The following EXOC4 variants were observed in gnomAD, a reference collection of about 807,000 sequenced individuals.
The protein encoded by EXOC4 is SEC8-like 1.
In EXOC4, 71 loss-of-function variants were observed where a neutral mutation model predicts 107.2. The ratio of observed to expected loss-of-function variants is 0.66; its 90% CI spans 0.55 to 0.81. EXOC4 has a LOEUF of 0.81. Among genes scored for constraint, EXOC4 ranks in the 30% least tolerant of loss-of-function variants. EXOC4 has a pLI of 0.00. For missense variants in EXOC4, 1,108 were observed against 1,189.6 expected (o/e 0.93, Z 1.01); for synonymous variants, 456 against 441.2 (o/e 1.03, Z -0.42).
At chr7:133,709,655 T>C (rs1235224648) in intron 10 of EXOC4, among the ~76,000 whole-genome samples, 3 of 146,694 alleles carry the variant, frequency 2.0e-5, no homozygotes, top group Non-Finnish European at 1.5e-5. Flanking sequence ...CTTTTTTTTT[T>C]TTTTTTTTTT....
chr7:133,623,492 T>C (rs1408045537), intron 9 of EXOC4, among the ~76,000 whole-genome samples: 1 of 152,218 alleles, frequency 6.6e-6, no homozygotes, highest in Non-Finnish European at 1.5e-5. Flanking sequence ...AACAAATATG[T>C]ACTGTGTGCT....
At chr7:133,948,444 A>G (rs1001526011) in intron 14 of EXOC4, among the ~76,000 whole-genome samples, 6 of 152,202 alleles carry the variant, frequency 3.9e-5, no homozygotes, top group African/African-American at 1.4e-4. Flanking sequence ...AGGACTCTCC[A>G]TTACTTGGTG....
At chr7:133,608,546 C>CTTTT (rs1161155238) in intron 9 of EXOC4, among the ~76,000 whole-genome samples, 132 of 85,022 alleles carry the variant, frequency 1.6e-3, no homozygotes, top group Middle Eastern at 0.011. Context: ...TGCTGTATTT[C>CTTTT]TTTTTTTTTT....
chr7:133,805,931 A>T (rs1466239740), intron 10 of EXOC4, among the ~76,000 whole-genome samples: 1 of 152,268 alleles, frequency 6.6e-6, no homozygotes, highest in Non-Finnish European at 1.5e-5. Flanking sequence ...CACCTGCGTC[A>T]TCTCATTTTG....
intron 7 of EXOC4, among the ~76,000 whole-genome samples, chr7:133,443,234 C>T (rs940637388): frequency 6.6e-6 from 1 of 152,150 alleles, no homozygotes; most frequent in South Asian, 2.1e-4. Flanking sequence ...AATAGAAGCA[C>T]TATCAGACAC....
intron 7 of EXOC4, among the ~76,000 whole-genome samples, chr7:133,455,107 TA>T (rs1188565359): frequency 6.6e-6 from 1 of 151,798 alleles, no homozygotes. Flanking sequence ...ATAAAATAAA[TA>T]AAAAGTTTAA....
intron 10 of EXOC4, among the ~76,000 whole-genome samples, chr7:133,763,703 A>T (rs2151154620): frequency 8.0e-6 from 1 of 125,128 alleles, no homozygotes; most frequent in South Asian, 2.6e-4. Flanking sequence ...GCCAAAAAGG[A>T]AAAAAAAAAA....
intron 4 of EXOC4, among the ~76,000 whole-genome samples, chr7:133,317,045 C>T (rs886344815): frequency 1.3e-5 from 2 of 152,060 alleles, no homozygotes; most frequent in African/African-American, 4.8e-5. Context: ...AATGAAATGA[C>T]AAAATAAAAA....
At chr7:133,328,254 GTT>G (rs201019321) in intron 5 of EXOC4, among the ~76,000 whole-genome samples, 1 of 147,478 alleles carries the variant, frequency 6.8e-6, no homozygotes, top group Admixed American at 6.8e-5. Context: ...TGCAACCCCT[GTT>G]TTTTTTTTGC....
chr7:133,760,604 C>T (rs1796013418), intron 10 of EXOC4, among the ~76,000 whole-genome samples: 1 of 152,080 alleles, frequency 6.6e-6, no homozygotes, highest in Admixed American at 6.6e-5. Flanking sequence ...CACTTCCTTT[C>T]TGCCCATCTG....
At chr7:133,704,135 T>C (rs1266017021) in intron 10 of EXOC4, among the ~76,000 whole-genome samples, 1 of 152,164 alleles carries the variant, frequency 6.6e-6, no homozygotes, top group African/African-American at 2.4e-5. Context: ...AATTTTTAAA[T>C]AGTGACGAGA....
Position 133,806,537 on chromosome 7 carries a change from G to A in EXOC4, c.1515-10788G>A, listed in dbSNP as rs964015829. On this transcript the variant is annotated intron_variant, in intron 10 of 17. Coordinates refer to ENST00000253861, the MANE Select transcript of EXOC4 (RefSeq NM_021807.4). Reference sequence around the variant, plus strand: ...AAATGCTTATATTTAGTAATATTATGGTCCTCTCCATCCACACAATGTCCC... The same window carrying A: ...AAATGCTTATATTTAGTAATATTATAGTCCTCTCCATCCACACAATGTCCC... Among the ~76,000 whole-genome samples the A allele has an allele frequency of 3.3e-5, 5 of 152,272 alleles. No homozygotes were observed. The East Asian group carries it at 9.6e-4, about 29-fold the overall frequency.
intron 10 of EXOC4, chr7:133,727,254 A>G (rs1795233748): frequency 1.3e-5 from 2 of 152,816 alleles, no homozygotes; most frequent in Non-Finnish European, 2.9e-5. Context: ...AAAATATCGG[A>G]AAGAAATAAG....
chr7:133,293,349 A>G (rs1263516635), intron 3 of EXOC4, among the ~76,000 whole-genome samples: 1 of 152,160 alleles, frequency 6.6e-6, no homozygotes, highest in East Asian at 1.9e-4. Flanking sequence ...CTCCATGGTT[A>G]TGTACTGTTA....
At chr7:133,717,749 A>T (rs1795027977) in intron 10 of EXOC4, among the ~76,000 whole-genome samples, 1 of 152,214 alleles carries the variant, frequency 6.6e-6, no homozygotes, top group Non-Finnish European at 1.5e-5. Flanking sequence ...GGCCTGTTGA[A>T]GTTACTAAAT....
chr7:133,786,886 A>G (rs1294392827), intron 10 of EXOC4, among the ~76,000 whole-genome samples: 1 of 152,250 alleles, frequency 6.6e-6, no homozygotes, highest in East Asian at 1.9e-4. Flanking sequence ...AGCATCTGCT[A>G]TGCTCAGAGT....
At chr7:133,976,908 T>A (rs1379645102) in intron 14 of EXOC4, among the ~76,000 whole-genome samples, 1 of 152,258 alleles carries the variant, frequency 6.6e-6, no homozygotes, top group Non-Finnish European at 1.5e-5. Flanking sequence ...TAAGTTTCAC[T>A]TTTTAAAAGT....
intron 13 of EXOC4, among the ~76,000 whole-genome samples, chr7:133,936,152 C>T (rs1274998122): frequency 6.6e-6 from 1 of 152,180 alleles, no homozygotes; most frequent in African/African-American, 2.4e-5. Flanking sequence ...AAGACCTTTT[C>T]CAAGCCCCTC....
intron 10 of EXOC4, among the ~76,000 whole-genome samples, chr7:133,729,742 T>C (rs1795286866): frequency 6.6e-6 from 1 of 152,148 alleles, no homozygotes; most frequent in Admixed American, 6.5e-5. Flanking sequence ...CAAACTTCCT[T>C]ATTTTGATGG....
Sources: allele counts gnomAD v4.1 joint callset (sites outside exome capture counted in the v4.1 genomes callset), GRCh38; gene constraint gnomAD v4.1.1; transcripts MANE v1.5; gene names NCBI Gene and HGNC (gene_info 2026-07-23, HGNC 2026-07-21).